The following CFAP299 variants were observed in gnomAD, a reference collection of about 807,000 sequenced individuals.
The protein encoded by CFAP299 is cilia- and flagella-associated protein 299.
In CFAP299, 21 loss-of-function variants were observed where a neutral mutation model predicts 27.0. The ratio of observed to expected loss-of-function variants is 0.78; its 90% CI spans 0.55 to 1.12. The LOEUF is 1.12. Among genes scored for constraint, CFAP299 ranks in the 50% most tolerant of loss-of-function variants. The pLI, the probability that CFAP299 is intolerant of heterozygous loss-of-function variation, is 0.00. For missense variants in CFAP299, 310 were observed against 276.6 expected (o/e 1.12, Z -0.86); for synonymous variants, 104 against 98.1 (o/e 1.06, Z -0.36).
rs1261189519 is a variant in CFAP299, at chr4:80,669,209, G to C, written c.333+86026G>C. Among the ~76,000 whole-genome samples the C allele has an allele frequency of 4.6e-5, 5 of 109,192 alleles. No homozygotes were observed. In the Admixed American group the frequency reaches 6.8e-4, roughly 15 times the overall value. The allele number at this position is 109,192 out of a possible 152,430, so 71.6% of individuals were successfully genotyped here. A position where few individuals can be genotyped will look rare whatever the true frequency, so the allele number is the denominator to read the frequency against. ...TAAGTCTTACTCTGTTGGCCAGGCT[G>C]GAGTGCAATGGCATGATCTCAATTC... On this transcript the variant is annotated intron_variant, in intron 3 of 5. Transcript: ENST00000358105.
chr4:80,872,134 A>T (rs756790231), intron 4 of CFAP299: 3 of 152,038 alleles, frequency 2.0e-5, no homozygotes, highest in Non-Finnish European at 2.9e-5. Context: ...TATTCCCTAT[A>T]AACTGATTTG....
chr4:80,500,008 AT>A (rs1731663952), intron 2 of CFAP299, among the ~76,000 whole-genome samples: 1 of 151,456 alleles, frequency 6.6e-6, no homozygotes, highest in Admixed American at 6.6e-5. Context: ...GGACTTTAGC[AT>A]TTTTGTTTTG....
chr4:80,779,163 T>C (rs1726729133), intron 3 of CFAP299, among the ~76,000 whole-genome samples: 1 of 152,076 alleles, frequency 6.6e-6, no homozygotes, highest in Admixed American at 6.6e-5. Context: ...TAGCAAACTA[T>C]GGGCAAAGCT....
chr4:80,780,853 G>C (rs191850256), intron 3 of CFAP299, among the ~76,000 whole-genome samples: 3 of 151,918 alleles, frequency 2.0e-5, no homozygotes, highest in African/African-American at 7.2e-5. Context: ...AAAATCCATA[G>C]AAGGATGGAT....
chr4:80,840,463 T>C (rs1016796128), intron 3 of CFAP299, among the ~76,000 whole-genome samples: 1 of 152,092 alleles, frequency 6.6e-6, no homozygotes, highest in African/African-American at 2.4e-5. Context: ...AAGAACAAAA[T>C]TATTTTACAT....
rs376774145 is a variant in CFAP299 at position 80,944,950 on chromosome 4, T to A, written c.606+11T>A. ...AATGTGGACCCAAAGGTAATTCTTC[T>A]TTTACACTTAGTTAGTTACCTCTTC... On this transcript the variant is annotated intron_variant, in intron 5 of 5. Transcript: ENST00000358105. 82 of 1,607,282 alleles carry A rather than the reference T, an allele frequency of 5.1e-5. No homozygotes were observed. Among genetic ancestry groups the A allele is most frequent in the Admixed American group, 1.4e-4 (8 of 59,022 alleles).
chr4:80,554,273 A>T (rs72863113), intron 2 of CFAP299, among the ~76,000 whole-genome samples: 10,797 of 152,100 alleles, frequency 0.071, 576 homozygotes, highest in East Asian at 0.26. Flanking sequence ...TATTTTTGTC[A>T]GGTTTTCCAA....
At chr4:80,663,401 C>A (rs1405609634) in intron 3 of CFAP299, among the ~76,000 whole-genome samples, 1 of 152,022 alleles carries the variant, frequency 6.6e-6, no homozygotes, top group Non-Finnish European at 1.5e-5. Context: ...TTTCCTGTTC[C>A]TGTGTTAGTT....
rs146038865 is a variant in CFAP299 at position 80,614,893 on chromosome 4, C to A, written c.333+31710C>A. 7.0e-3 allele frequency among the ~76,000 whole-genome samples: 1,068 copies of A among 152,232 alleles called. 12 individuals are homozygous for A. The highest frequency in any genetic ancestry group is 0.011 in the Non-Finnish European group (769 of 68,012). ...TTTTAATGTCAACATACAAGAGACACCTTTGGTTGCATTTACACCAAAACA... is the reference window on the plus strand; with the variant it reads ...TTTTAATGTCAACATACAAGAGACAACTTTGGTTGCATTTACACCAAAACA... On this transcript the variant is annotated intron_variant, in intron 3 of 5. Coordinates refer to ENST00000358105, the MANE Select transcript of CFAP299 (RefSeq NM_152770.3).
chr4:80,672,321 T>C (rs940292325), intron 3 of CFAP299, among the ~76,000 whole-genome samples: 6 of 152,268 alleles, frequency 3.9e-5, no homozygotes, highest in African/African-American at 1.4e-4. Context: ...GATTTGCATA[T>C]GTTGAAGCAG....
chr4:80,327,690 T>TTTTATATA, the CFAP299 span, among the ~76,000 whole-genome samples: 1,059 of 51,162 alleles, frequency 0.021, 35 homozygotes, highest in Middle Eastern at 0.069. Context: ...TAGAGAGAAG[T>TTTTATATA]TATATATATA....
chr4:80,415,666 AT>A (rs1726965589), intron 2 of CFAP299, among the ~76,000 whole-genome samples: 3 of 152,146 alleles, frequency 2.0e-5, no homozygotes, highest in Admixed American at 1.3e-4. Flanking sequence ...AATTTCATCA[AT>A]AGATATAAAT....
intron 3 of CFAP299, among the ~76,000 whole-genome samples, chr4:80,594,321 TCTCA>T (rs1192437898): frequency 6.6e-6 from 1 of 152,016 alleles, no homozygotes. Context: ...AACCATCAGA[TCTCA>T]TGAGAACTCA....
intron 2 of CFAP299, among the ~76,000 whole-genome samples, chr4:80,491,711 C>G (rs916092707): frequency 3.9e-5 from 6 of 151,918 alleles, no homozygotes; most frequent in Admixed American, 3.3e-4. Flanking sequence ...TTTTATTTAA[C>G]CATATATATC....
Position 80,689,567 on chromosome 4 carries a change from G to C in CFAP299, c.333+106384G>C, listed in dbSNP as rs906993554. On this transcript the variant is annotated intron_variant, in intron 3 of 5. Transcript: ENST00000358105. ...GTGCTAAACATGGAAAGGAACAACT[G>C]GTACCAGCCGATGCAAAATCATGCC... is the stretch of plus-strand genomic sequence containing the variant. Among the ~76,000 whole-genome samples the C allele has an allele frequency of 7.2e-5, 11 of 152,190 alleles. No homozygotes were observed. In the East Asian group the frequency reaches 1.2e-3, roughly 16 times the overall value.
chr4:80,553,854 T>C (rs923864002), intron 2 of CFAP299, among the ~76,000 whole-genome samples: 12 of 151,684 alleles, frequency 7.9e-5, no homozygotes, highest in African/African-American at 2.7e-4. Flanking sequence ...TTTTCTCTTA[T>C]AAATTTGTTT....
rs564666208 is a variant in CFAP299 at position 80,727,127 on chromosome 4, T to C, written c.334-142866T>C. Among the ~76,000 whole-genome samples the C allele has an allele frequency of 1.1e-4, 17 of 152,240 alleles. No homozygotes were observed. The South Asian group carries it at 3.5e-3, about 32-fold the overall frequency. On this transcript the variant is annotated intron_variant, in intron 3 of 5. Coordinates refer to ENST00000358105, the MANE Select transcript of CFAP299 (RefSeq NM_152770.3). Reference sequence around the variant, plus strand: ...AATGTTTTAGGAAAAATATTTCCTTTCAATATGAAAGAACGTCTATGTATC... The same window carrying C: ...AATGTTTTAGGAAAAATATTTCCTTCCAATATGAAAGAACGTCTATGTATC...
chr4:80,603,739 A>G (rs1054355399), intron 3 of CFAP299, among the ~76,000 whole-genome samples: 2 of 152,212 alleles, frequency 1.3e-5, no homozygotes, highest in Admixed American at 6.5e-5. Flanking sequence ...TTATTCATCT[A>G]TATGATAGAA....
intron 3 of CFAP299, among the ~76,000 whole-genome samples, chr4:80,861,469 A>G (rs953117969): frequency 2.0e-5 from 3 of 152,208 alleles, no homozygotes; most frequent in Admixed American, 6.5e-5. Context: ...CCGGTACCTC[A>G]GATGGAAATG....
Sources: allele counts gnomAD v4.1 joint callset (sites outside exome capture counted in the v4.1 genomes callset), GRCh38; gene constraint gnomAD v4.1.1; transcripts MANE v1.5; gene names NCBI Gene and HGNC (gene_info 2026-07-23, HGNC 2026-07-21).